Variants in PCDHA4 observed in about 807,000 individuals in gnomAD.
The protein encoded by PCDHA4 is protocadherin alpha-4.
Under a neutral mutation model 61.4 loss-of-function variants are expected in PCDHA4, and 49 were observed. The ratio of observed to expected loss-of-function variants is 0.80; its 90% CI spans 0.63 to 1.01. The LOEUF (loss-of-function observed/expected upper bound fraction) is 1.01. PCDHA4 is among the 50% of genes least tolerant of loss of function. PCDHA4 has a pLI of 0.00. For synonymous variants in PCDHA4, 590 were observed against 550.3 expected, an observed-to-expected ratio of 1.07 and a Z score of -1.01; for missense variants, 1,254 against 1,235.8, an observed-to-expected ratio of 1.01 and a Z score of -0.22.
At chr5:140,941,797 A>G (rs1425454318) in intron 1 of PCDHA4, among the ~76,000 whole-genome samples, 1 of 152,224 alleles carries the variant, frequency 6.6e-6, no homozygotes, top group African/African-American at 2.4e-5. Flanking sequence ...AAGAATATTT[A>G]GTTGATTTCA....
chr5:140,867,486 A>G (rs2049987159), intron 1 of PCDHA4: 1 of 152,146 alleles, frequency 6.6e-6, no homozygotes, highest in South Asian at 2.1e-4. Context: ...AAGAGTAAAT[A>G]TGAAAAAAGT....
At chr5:141,005,769 G>A (rs1421440870) in intron 3 of PCDHA4, among the ~76,000 whole-genome samples, 3 of 129,926 alleles carry the variant, frequency 2.3e-5, no homozygotes, top group Non-Finnish European at 4.9e-5. Context: ...AAGCAAACCA[G>A]ATGTGTAAAG....
rs143656335 is a variant in PCDHA4, at chr5:140,968,986, A to G, written c.2386-9963A>G. 244 of 1,614,206 alleles carry G rather than the reference A, an allele frequency of 1.5e-4. No individual in the cohort carries two copies. In the African/African-American group the frequency reaches 3.0e-3, roughly 20 times the overall value. On this transcript the variant is annotated intron_variant, in intron 1 of 3. Transcript: ENST00000530339. ...ACCGCTACACTGCGTATGGCACTGC[A>G]TGCTGTGGAGGCTTCTGTGGAGTAA...
intron 1 of PCDHA4, chr5:140,858,303 G>A: frequency 6.3e-7 from 1 of 1,597,370 alleles, no homozygotes; most frequent in South Asian, 1.1e-5. Context: ...TCGCAGCAGA[G>A]GCGGCAGAGG....
intron 1 of PCDHA4, chr5:140,883,431 C>T: frequency 6.2e-7 from 1 of 1,614,172 alleles, no homozygotes. Flanking sequence ...GTCACCTGCA[C>T]CTTGACGCCG....
At chr5:140,927,269 C>T in intron 1 of PCDHA4, 1 of 1,614,142 alleles carries the variant, frequency 6.2e-7, no homozygotes, top group Non-Finnish European at 8.5e-7. Context: ...CTCTTTCCTG[C>T]CGGCGACGTG....
intron 1 of PCDHA4, chr5:140,858,580 A>G (rs1374882572): frequency 8.9e-6 from 12 of 1,352,620 alleles, no homozygotes; most frequent in Middle Eastern, 2.1e-4. Context: ...CCTTTGTAAT[A>G]TAATTTATTC....
chr5:140,808,570 A>C lies in PCDHA4; in HGVS notation c.1383A>C (p.Thr461=). The C allele has an allele frequency of 1.2e-6, 2 of 1,614,090 alleles. No individual in the cohort carries two copies. The highest frequency in any genetic ancestry group is 2.2e-5 in the South Asian group (2 of 91,082). The stretch of plus-strand genomic sequence containing the variant: ...CGGCGTTCGCGCAGCCCGAGTACAC[A>C]GTGTTCGTGAAGGAGAACAACCCGC... ...NAPAFAQPEY[T]VFVKENNPPG... The change falls in exon 1 of 4, where the codon ACA becomes ACC. Residue 461 remains threonine (T), a synonymous_variant. Coordinates refer to ENST00000530339, the MANE Select transcript of PCDHA4 (RefSeq NM_018907.4).
intron 1 of PCDHA4, among the ~76,000 whole-genome samples, chr5:140,917,537 A>G (rs1433498846): frequency 2.0e-5 from 3 of 152,222 alleles, no homozygotes; most frequent in Middle Eastern, 3.2e-3. Flanking sequence ...GTATAGTTTT[A>G]GGTTTTACAT....
Position 140,849,717 on chromosome 5 carries a change from G to C in PCDHA4, c.2385+40145G>C, listed in dbSNP as rs141495063. The C allele has an allele frequency of 1.2e-4, 185 of 1,598,594 alleles. 18 individuals are homozygous for C. In the Middle Eastern group the frequency reaches 1.2e-3, roughly 10 times the overall value. ...CACCTACAAGAATTACTACTCGTTG[G>C]TGCTGGACAGAGCTCTGGACCGCGA... On this transcript the variant is annotated intron_variant, in intron 1 of 3. Coordinates refer to ENST00000530339, the MANE Select transcript of PCDHA4 (RefSeq NM_018907.4).
chr5:140,967,017 C>T, intron 1 of PCDHA4: 1 of 1,606,892 alleles, frequency 6.2e-7, no homozygotes, highest in Non-Finnish European at 8.5e-7. Context: ...CATCTGGGTG[C>T]GCCCAGTCCG....
intron 3 of PCDHA4, among the ~76,000 whole-genome samples, chr5:141,008,308 TA>T (rs1554261716): frequency 6.6e-6 from 1 of 152,214 alleles, no homozygotes; most frequent in East Asian, 1.9e-4. Flanking sequence ...CCCTAAACTG[TA>T]ATTGAACATA....
At chr5:140,851,304 C>A in intron 1 of PCDHA4, 2 of 1,006,386 alleles carry the variant, frequency 2.0e-6, no homozygotes, top group Non-Finnish European at 2.4e-6. Flanking sequence ...AAATATATAG[C>A]AATTGTTACC....
chr5:140,953,034 C>T (rs1337571700), intron 1 of PCDHA4, among the ~76,000 whole-genome samples: 1 of 152,168 alleles, frequency 6.6e-6, no homozygotes, highest in Non-Finnish European at 1.5e-5. Context: ...GGGAAATCCA[C>T]CCCCATGATC....
intron 1 of PCDHA4, chr5:140,842,268 A>G (rs1554138931): frequency 2.5e-6 from 4 of 1,610,534 alleles, no homozygotes. Flanking sequence ...GAAAACTTAT[A>G]CAAAATCCTC....
chr5:140,985,895 A>G (rs782549334), intron 3 of PCDHA4, among the ~76,000 whole-genome samples: 16 of 150,016 alleles, frequency 1.1e-4, no homozygotes, highest in Non-Finnish European at 1.5e-4. Flanking sequence ...GCCCGCCACC[A>G]CTCCCGTCTA....
At chr5:140,824,610 G>GTTTTTTTTTTTTTTTTTTTTTTT (rs782443702) in intron 1 of PCDHA4, 2 of 95,112 alleles carry the variant, frequency 2.1e-5, no homozygotes, top group African/African-American at 4.9e-5. Flanking sequence ...GCTAATTAAA[G>GTTTTTTTTTTTTTTTTTTTTTTT]TTTTTTTTTT....
At chr5:140,884,569 G>A (rs144735555) in intron 1 of PCDHA4, 2 of 1,614,008 alleles carry the variant, frequency 1.2e-6, no homozygotes, top group East Asian at 2.2e-5. Context: ...CGCATAAGAC[G>A]GACCTCATGG....
intron 1 of PCDHA4, among the ~76,000 whole-genome samples, chr5:140,886,084 G>C (rs1554182347): frequency 6.6e-6 from 1 of 152,140 alleles, no homozygotes; most frequent in East Asian, 1.9e-4. Flanking sequence ...CCACAACCTG[G>C]ATATTGACAT....
Sources: gnomAD v4.1 joint callset for allele counts (sites outside exome capture counted in the v4.1 genomes callset) on GRCh38, gnomAD v4.1.1 for gene constraint, MANE v1.5 for transcripts, NCBI Gene and HGNC (gene_info 2026-07-23, HGNC 2026-07-21) for gene names.